UNC5D: variants seen among roughly 807,000 people sequenced by gnomAD.
The protein encoded by UNC5D is netrin receptor UNC5D.
Under a neutral mutation model 105.4 loss-of-function variants are expected in UNC5D, and 39 were observed. The ratio of observed to expected loss-of-function variants is 0.37; its 90% CI spans 0.29 to 0.48. The LOEUF is 0.48. Among genes scored for constraint, UNC5D ranks in the 20% least tolerant of loss-of-function variants. The pLI, the probability that UNC5D is intolerant of heterozygous loss-of-function variation, is 0.98. For missense variants in UNC5D, 991 were observed against 1,202.4 expected (o/e 0.82, Z 2.60); for synonymous variants, 452 against 450.4 (o/e 1.00, Z -0.04).
intron 2 of UNC5D, among the ~76,000 whole-genome samples, chr8:35,557,243 A>C (rs1816619729): frequency 6.6e-6 from 1 of 152,160 alleles, no homozygotes; most frequent in Non-Finnish European, 1.5e-5. Context: ...ATTAATTCTA[A>C]TCTCTTGTGT....
intron 1 of UNC5D, among the ~76,000 whole-genome samples, chr8:35,340,913 G>T (rs575305058): frequency 6.6e-6 from 1 of 152,176 alleles, no homozygotes; most frequent in East Asian, 1.9e-4. Flanking sequence ...TATATTTTCA[G>T]AAATCTAATC....
chr8:35,596,974 T>G (rs1454940462), intron 4 of UNC5D, among the ~76,000 whole-genome samples: 2 of 152,158 alleles, frequency 1.3e-5, no homozygotes, highest in African/African-American at 4.8e-5. Context: ...GTTTGACTCT[T>G]CTATGGGAAG....
intron 1 of UNC5D, among the ~76,000 whole-genome samples, chr8:35,334,258 C>T (rs766939331): frequency 5.3e-5 from 8 of 152,022 alleles, no homozygotes; most frequent in Non-Finnish European, 8.8e-5. Context: ...TGAGTAGGGA[C>T]AAAATGATCA....
At position 35,793,263 on chromosome 8, in the gene UNC5D, G is replaced by A. The variant is rs1352125806; in HGVS notation, c.*2700G>A. 2.4e-6 allele frequency: 1 copy of A among 410,274 alleles called. No homozygotes were observed. The highest frequency in any genetic ancestry group is 4.9e-6 in the Non-Finnish European group (1 of 204,844). 25.4% of individuals were successfully genotyped at this position (410,274 alleles called of 1,614,324 possible). On this transcript the variant is annotated 3_prime_UTR_variant, in exon 17 of 17. Coordinates refer to ENST00000404895, the MANE Select transcript of UNC5D (RefSeq NM_080872.4). Reference sequence around the variant, plus strand: ...ACATTTGTGAGATTTACAGACCAAGGTGTGGTGGAGGAGGTAGAATTGCAG... The same window carrying A: ...ACATTTGTGAGATTTACAGACCAAGATGTGGTGGAGGAGGTAGAATTGCAG...
intron 1 of UNC5D, among the ~76,000 whole-genome samples, chr8:35,441,774 T>G (rs1210496979): frequency 1.3e-5 from 2 of 151,432 alleles, no homozygotes; most frequent in African/African-American, 2.4e-5. Flanking sequence ...GAGTCTATAC[T>G]AGATCTTACT....
In UNC5D at chr8:35,546,038, G is replaced by C. The variant is rs899575192; in HGVS notation, c.104-3254G>C. Among the ~76,000 whole-genome samples the C allele has an allele frequency of 2.0e-5, 3 of 152,030 alleles. No homozygotes were observed. In the East Asian group the frequency reaches 5.8e-4, roughly 29 times the overall value. ...GCCTCCCAAGTAGCTGGGACTACAC[G>C]CATGCATCCAGCTAATTTTTTTATT... is the stretch of plus-strand genomic sequence containing the variant. On this transcript the variant is annotated intron_variant, in intron 1 of 16. Coordinates refer to ENST00000404895, the MANE Select transcript of UNC5D (RefSeq NM_080872.4).
chr8:35,669,403 T>TA (rs1324692858), intron 4 of UNC5D, among the ~76,000 whole-genome samples: 1 of 152,104 alleles, frequency 6.6e-6, no homozygotes, highest in Non-Finnish European at 1.5e-5. Flanking sequence ...ATGACCTTTT[T>TA]ACCTGGTATT....
chr8:35,774,590 G>A (rs1802155419), intron 16 of UNC5D, 113 bp downstream of exon 16: 1 of 1,354,388 alleles, frequency 7.4e-7, no homozygotes, highest in East Asian at 2.5e-5. Flanking sequence ...GAGTTCCTCT[G>A]GCCATATTTC....
At chr8:35,323,351 GT>G (rs1252589275) in intron 1 of UNC5D, among the ~76,000 whole-genome samples, 1 of 151,856 alleles carries the variant, frequency 6.6e-6, no homozygotes, top group African/African-American at 2.4e-5. Flanking sequence ...TGTTTTAGAT[GT>G]TTTTGTGGAG....
At chr8:35,718,902 A>T (rs1041430293) in intron 8 of UNC5D, among the ~76,000 whole-genome samples, 1 of 152,154 alleles carries the variant, frequency 6.6e-6, no homozygotes. Flanking sequence ...AGAGATATCA[A>T]TTACAATTGC....
intron 2 of UNC5D, among the ~76,000 whole-genome samples, chr8:35,565,244 A>G (rs1034817986): frequency 1.3e-5 from 2 of 152,180 alleles, no homozygotes; most frequent in Non-Finnish European, 2.9e-5. Flanking sequence ...ATCCATGCCA[A>G]CATCTATTAT....
intron 1 of UNC5D, among the ~76,000 whole-genome samples, chr8:35,333,121 G>C (rs1391909651): frequency 6.6e-6 from 1 of 152,116 alleles, no homozygotes; most frequent in Non-Finnish European, 1.5e-5. Flanking sequence ...TATGAGGTGA[G>C]AGGACTGCCT....
chr8:35,464,589 T>C (rs1460030238), intron 1 of UNC5D, among the ~76,000 whole-genome samples: 1 of 152,210 alleles, frequency 6.6e-6, no homozygotes, highest in East Asian at 1.9e-4. Context: ...TAAGCTTTCT[T>C]GTTCCTAATC....
At chr8:35,249,887 G>A (rs1226593262) in intron 1 of UNC5D, among the ~76,000 whole-genome samples, 1 of 151,776 alleles carries the variant, frequency 6.6e-6, no homozygotes, top group Non-Finnish European at 1.5e-5. Flanking sequence ...TAGTGGTCAG[G>A]CTTTGAATCT....
Position 35,587,965 on chromosome 8 carries a change from AATATAT to A in UNC5D, c.467-7565_467-7560del, listed in dbSNP as rs57681405. 4.9e-4 allele frequency among the ~76,000 whole-genome samples: 52 copies of A among 105,094 alleles called. 2 individuals carry two copies. The highest frequency in any genetic ancestry group is 6.9e-4 in the Non-Finnish European group (35 of 51,016). The allele number at this position is 105,094 out of a possible 152,430, so 68.9% of individuals were successfully genotyped here. ...TTAGGGTTTTTCCTATAACTATAAT[AATATAT>A]ATATATATATATATATATATATACT... On this transcript the variant is annotated intron_variant, in intron 3 of 16. Transcript: ENST00000404895.
intron 1 of UNC5D, among the ~76,000 whole-genome samples, chr8:35,529,489 T>C (rs1251292526): frequency 2.7e-5 from 4 of 145,510 alleles, no homozygotes; most frequent in African/African-American, 1.0e-4. Context: ...GTGTGATGCC[T>C]CCAGCTTTGT....
intron 1 of UNC5D, among the ~76,000 whole-genome samples, chr8:35,426,299 A>T (rs752684083): frequency 6.6e-6 from 1 of 152,200 alleles, no homozygotes; most frequent in African/African-American, 2.4e-5. Context: ...GAATTCATAG[A>T]CTATTCCTTA....
intron 1 of UNC5D, among the ~76,000 whole-genome samples, chr8:35,341,235 CTAAT>C (rs1378526232): frequency 3.9e-5 from 6 of 151,974 alleles, no homozygotes; most frequent in African/African-American, 1.5e-4. Flanking sequence ...ATCCTCGAAA[CTAAT>C]TATATGCAAT....
At chr8:35,386,491 G>A (rs1803406802) in intron 1 of UNC5D, among the ~76,000 whole-genome samples, 1 of 152,250 alleles carries the variant, frequency 6.6e-6, no homozygotes, top group South Asian at 2.1e-4. Flanking sequence ...GAGGCTCAGT[G>A]CTGTGAAAGG....
Sources: allele counts gnomAD v4.1 joint callset (sites outside exome capture counted in the v4.1 genomes callset), GRCh38; gene constraint gnomAD v4.1.1; transcripts MANE v1.5; gene names NCBI Gene and HGNC (gene_info 2026-07-23, HGNC 2026-07-21).